RBFOX1: variants seen among roughly 807,000 people sequenced by gnomAD.
RBFOX1 encodes the protein RNA binding fox-1 homolog 1.
A neutral mutation model predicts 57.7 loss-of-function variants in RBFOX1; 8 were observed. The ratio of observed to expected loss-of-function variants is 0.14; its 90% CI spans 0.08 to 0.25. The LOEUF is 0.25. Ranked by LOEUF, RBFOX1 falls within the 10% of genes least tolerant of loss-of-function variation. The pLI is 1.00. For missense variants in RBFOX1, 611 were observed against 548.5 expected (o/e 1.11, Z -1.14); for synonymous variants, 326 against 222.4 (o/e 1.47, Z -4.15).
intron 2 of RBFOX1, among the ~76,000 whole-genome samples, chr16:6,450,279 G>A (rs2094562929): frequency 6.6e-6 from 1 of 152,086 alleles, no homozygotes; most frequent in Non-Finnish European, 1.5e-5. Flanking sequence ...CACATCACGA[G>A]TTGTGAAGCT....
chr16:7,385,923 TTTATTTATTTA>T (rs879430477), intron 4 of RBFOX1, among the ~76,000 whole-genome samples: 10,951 of 119,964 alleles, frequency 0.091, 450 homozygotes, highest in East Asian at 0.25. Flanking sequence ...CAGTTACTTA[TTTATTTATTTA>T]TTTATTTATT....
chr16:6,411,700 C>T (rs2093462970), intron 2 of RBFOX1, among the ~76,000 whole-genome samples: 1 of 152,216 alleles, frequency 6.6e-6, no homozygotes, highest in South Asian at 2.1e-4. Flanking sequence ...GTCTAACCTA[C>T]TGCATGCTCT....
At position 5,585,147 on chromosome 16, in the gene RBFOX1, C is replaced by G. The variant is rs868717719; in HGVS notation, c.259-13755C>G. Among the ~76,000 whole-genome samples the G allele has an allele frequency of 7.9e-5, 12 of 152,290 alleles. No homozygotes were observed. In the East Asian group the frequency reaches 2.3e-3, roughly 29 times the overall value. On this transcript the variant is annotated intron_variant, in intron 2 of 2. Transcript: ENST00000585867. ...ATCTCCCCAAAATAAAACCCTGAAT[C>G]CCTTAAGGAACTACTCCCCATCCTG...
chr16:6,906,005 C>A (rs957235812), intron 3 of RBFOX1, among the ~76,000 whole-genome samples: 1 of 152,180 alleles, frequency 6.6e-6, no homozygotes, highest in East Asian at 1.9e-4. Context: ...TGAAGAAATC[C>A]TCTGCCTTCC....
At chr16:6,739,117 G>A (rs1013842700) in intron 3 of RBFOX1, among the ~76,000 whole-genome samples, 6 of 151,754 alleles carry the variant, frequency 4.0e-5, no homozygotes, top group African/African-American at 1.5e-4. Flanking sequence ...AAAGCAAGCA[G>A]CAGAGAGGAA....
intron 3 of RBFOX1, among the ~76,000 whole-genome samples, chr16:6,972,323 T>C (rs1408176045): frequency 6.6e-6 from 1 of 152,136 alleles, no homozygotes; most frequent in Non-Finnish European, 1.5e-5. Context: ...GTTTGCTACC[T>C]TGTATCGGTG....
chr16:6,774,232 A>C (rs113796849), intron 3 of RBFOX1, among the ~76,000 whole-genome samples: 24 of 152,206 alleles, frequency 1.6e-4, no homozygotes, highest in African/African-American at 5.3e-4. Context: ...GGTTTTGTCT[A>C]CATTTGAAAG....
intron 3 of RBFOX1, among the ~76,000 whole-genome samples, chr16:5,783,403 A>G (rs576403443): frequency 6.6e-6 from 1 of 152,246 alleles, no homozygotes; most frequent in East Asian, 1.9e-4. Context: ...TCTTAAATTT[A>G]TGTATGAGGG....
chr16:6,573,273 C>T (rs2097370725), intron 2 of RBFOX1, among the ~76,000 whole-genome samples: 1 of 152,154 alleles, frequency 6.6e-6, no homozygotes, highest in African/African-American at 2.4e-5. Context: ...CACAAACACG[C>T]CTCACCGAAG....
chr16:5,919,834 G>A (rs2058782308), intron 4 of RBFOX1, among the ~76,000 whole-genome samples: 1 of 152,100 alleles, frequency 6.6e-6, no homozygotes, highest in South Asian at 2.1e-4. Context: ...TCACTTTGCT[G>A]GGTATTTCCT....
rs1596548619 is a variant in RBFOX1 at position 5,332,957 on chromosome 16, G to A, written c.219+92852G>A. Among the ~76,000 whole-genome samples the A allele has an allele frequency of 2.6e-5, 4 of 152,250 alleles. 1 individual carries two copies. In the Middle Eastern group the frequency reaches 0.014, roughly 518 times the overall value. On this transcript the variant is annotated intron_variant, in intron 1 of 2. Coordinates refer to the RBFOX1 transcript ENST00000585867. ...TCCCAGCACTTTGGGAGGCCAAGGTGGGCGGATCACCTGAGGTCAGGAGTT... is the reference window on the plus strand; with the variant it reads ...TCCCAGCACTTTGGGAGGCCAAGGTAGGCGGATCACCTGAGGTCAGGAGTT...
intron 1 of RBFOX1, among the ~76,000 whole-genome samples, chr16:6,134,330 C>G (rs2096650736): frequency 6.6e-6 from 1 of 152,168 alleles, no homozygotes; most frequent in South Asian, 2.1e-4. Flanking sequence ...GGATTCAGGT[C>G]TGCAAGCACA....
intron 1 of RBFOX1, among the ~76,000 whole-genome samples, chr16:5,445,868 T>C (rs903723899): frequency 6.6e-6 from 1 of 152,244 alleles, no homozygotes; most frequent in African/African-American, 2.4e-5. Flanking sequence ...AAATAAAACA[T>C]CTTTCCTCAG....
At chr16:5,712,207 A>G (rs983886352) in intron 3 of RBFOX1, among the ~76,000 whole-genome samples, 3 of 152,226 alleles carry the variant, frequency 2.0e-5, no homozygotes, top group East Asian at 1.9e-4. Flanking sequence ...TCCCTTCTTC[A>G]ACACCTCAAC....
intron 1 of RBFOX1, among the ~76,000 whole-genome samples, chr16:5,433,455 C>G (rs1490507459): frequency 6.6e-6 from 1 of 152,122 alleles, no homozygotes; most frequent in African/African-American, 2.4e-5. Flanking sequence ...AGATTCCAAC[C>G]CTAGCCTGAA....
intron 1 of RBFOX1, among the ~76,000 whole-genome samples, chr16:5,463,969 C>T (rs1043112218): frequency 2.0e-5 from 3 of 152,196 alleles, no homozygotes; most frequent in African/African-American, 4.8e-5. Context: ...AAGAGCCTCT[C>T]ACTGCCATAA....
In RBFOX1 at chr16:5,816,334, C is replaced by G. The variant is rs1303420328; in HGVS notation, c.319-50969C>G. On this transcript the variant is annotated intron_variant, in intron 3 of 19. Coordinates refer to the RBFOX1 transcript ENST00000641259. ...CAGTACCCGTCAATTACAAAACCTTCCAGGTACTTTGGATTCTTACTGTCT... is the reference window on the plus strand; with the variant it reads ...CAGTACCCGTCAATTACAAAACCTTGCAGGTACTTTGGATTCTTACTGTCT... Among the ~76,000 whole-genome samples the G allele has an allele frequency of 5.3e-5, 8 of 152,282 alleles. No individual in the cohort carries two copies. In the East Asian group the frequency reaches 1.5e-3, roughly 29 times the overall value.
intron 3 of RBFOX1, among the ~76,000 whole-genome samples, chr16:5,680,892 T>C (rs2050311232): frequency 7.1e-6 from 1 of 140,622 alleles, no homozygotes; most frequent in Non-Finnish European, 1.5e-5. Context: ...AGAGCTTGTA[T>C]TTGTGTGTGT....
At chr16:6,695,063 C>T (rs1442658993) in intron 3 of RBFOX1, among the ~76,000 whole-genome samples, 3 of 152,030 alleles carry the variant, frequency 2.0e-5, no homozygotes, top group African/African-American at 7.2e-5. Context: ...TGGAGAAGAA[C>T]TTTTAGATGA....
Sources: allele counts gnomAD v4.1 joint callset (sites outside exome capture counted in the v4.1 genomes callset), GRCh38; gene constraint gnomAD v4.1.1; transcripts MANE v1.5; gene names NCBI Gene and HGNC (gene_info 2026-07-23, HGNC 2026-07-21).